Variants in UBE4B observed in about 807,000 individuals in gnomAD.
UBE4B encodes the protein ubiquitination factor E4B.
A neutral mutation model predicts 148.1 loss-of-function variants in UBE4B; 27 were observed. The ratio of observed to expected loss-of-function variants is 0.18; its 90% confidence interval spans 0.13 to 0.25. The LOEUF is 0.25. Ranked by LOEUF, UBE4B falls within the 10% of genes least tolerant of loss-of-function variation. The pLI, the probability that UBE4B is intolerant of heterozygous loss-of-function variation, is 1.00. For synonymous variants in UBE4B, 596 were observed against 619.3 expected, an observed-to-expected ratio of 0.96 and a Z score of 0.56; for missense variants, 1,170 against 1,662.4, an observed-to-expected ratio of 0.70 and a Z score of 5.15.
At chr1:10,065,138 TTGTC>T (rs766864350) in intron 1 of UBE4B, among the ~76,000 whole-genome samples, 11 of 152,180 alleles carry the variant, frequency 7.2e-5, no homozygotes, top group African/African-American at 2.7e-4. Context: ...TACATTCACT[TTGTC>T]TGTATATAAA....
chr1:10,075,762 T>C (rs1462447659), intron 2 of UBE4B, among the ~76,000 whole-genome samples: 1 of 152,190 alleles, frequency 6.6e-6, no homozygotes, highest in East Asian at 1.9e-4. Context: ...ACATCTATTC[T>C]CTGTTCAGGC....
At chr1:10,040,121 CTT>C (rs752593191) in intron 1 of UBE4B, among the ~76,000 whole-genome samples, 2 of 142,888 alleles carry the variant, frequency 1.4e-5, no homozygotes, top group African/African-American at 2.6e-5. Context: ...GCACATGTTT[CTT>C]TTTTTTTTTT....
Position 10,129,075 on chromosome 1 carries a change from CAT to C in UBE4B, c.1639-311_1639-310del, listed in dbSNP as rs542647723. On this transcript the variant is annotated intron_variant, in intron 11 of 27. Coordinates refer to ENST00000343090, the MANE Select transcript of UBE4B (RefSeq NM_001105562.3). ...AGTGGAAAAACTTTTTTGTAAAAAA[CAT>C]ATATAGATACAGTACACAAAAATAT... 19 of 242,502 alleles carry C rather than the reference CAT, an allele frequency of 7.8e-5. No homozygotes were observed. In the East Asian group the frequency reaches 7.9e-4, roughly 10 times the overall value. The allele number at this position is 242,502 out of a possible 1,614,324, so 15.0% of individuals were successfully genotyped here.
rs144040749 is a variant in UBE4B, at chr1:10,060,067, C to T, written c.25-11961C>T. On this transcript the variant is annotated intron_variant, in intron 1 of 27. Coordinates refer to ENST00000343090, the MANE Select transcript of UBE4B (RefSeq NM_001105562.3). The stretch of plus-strand genomic sequence containing the variant: ...GGGAGCCAGTCCTGTTCTATTCAGT[C>T]GTCAGGTCCCTGTGTGTGTGTGGAG... Among the ~76,000 whole-genome samples the T allele has an allele frequency of 5.9e-5, 9 of 151,880 alleles. No homozygotes were observed. In the East Asian group the frequency reaches 1.5e-3, roughly 26 times the overall value.
chr1:10,077,236 G>A (rs919224990), intron 2 of UBE4B, among the ~76,000 whole-genome samples: 1 of 152,280 alleles, frequency 6.6e-6, no homozygotes, highest in East Asian at 1.9e-4. Context: ...TCTGCCTTCC[G>A]ATAGTTGCTG....
chr1:10,165,952 AG>A (rs963923375), intron 23 of UBE4B, among the ~76,000 whole-genome samples: 1 of 152,180 alleles, frequency 6.6e-6, no homozygotes, highest in African/African-American at 2.4e-5. Context: ...AGGCTGTAGA[AG>A]GGCCTGTTGA....
intron 11 of UBE4B, chr1:10,128,720 A>C (rs1284662224): frequency 2.6e-5 from 4 of 152,302 alleles, no homozygotes; most frequent in African/African-American, 9.6e-5. Flanking sequence ...TCTTCGGCTC[A>C]TGTAGCAACT....
rs147075073 is a variant in UBE4B, at chr1:10,106,714, A to T, written c.1196+131A>T. On this transcript the variant is annotated intron_variant, in intron 7 of 27. Coordinates refer to ENST00000343090, the MANE Select transcript of UBE4B (RefSeq NM_001105562.3). The surrounding 1 kb of genome is among the most constrained non-coding windows in gnomAD (Gnocchi z 4.2). ...TTTTGGGTTATTAACCTGTGTGGCT[A>T]ACTAGTTTGGTAGGCACGTACTCTG... The T allele has an allele frequency of 7.9e-7, 1 of 1,261,098 alleles. No individual in the cohort carries two copies. Among genetic ancestry groups the T allele is most frequent in the Non-Finnish European group, 1.0e-6 (1 of 955,880 alleles). The allele number at this position is 1,261,098 out of a possible 1,614,324, so 78.1% of individuals were successfully genotyped here. A position where few individuals can be genotyped will look rare whatever the true frequency, so the allele number is the denominator to read the frequency against.
chr1:10,097,047 A>T (rs1644939923), intron 3 of UBE4B, among the ~76,000 whole-genome samples: 1 of 149,454 alleles, frequency 6.7e-6, no homozygotes, highest in African/African-American at 2.4e-5. Context: ...TCAAAAAAAA[A>T]AAAAAAATAA....
chr1:10,131,014 T>A (rs1030382969), intron 14 of UBE4B, among the ~76,000 whole-genome samples: 1 of 152,212 alleles, frequency 6.6e-6, no homozygotes, highest in African/African-American at 2.4e-5. Flanking sequence ...GCTGCCTTTG[T>A]ATGTAGCATC....
At chr1:10,150,427 A>C (rs909879186) in intron 20 of UBE4B, among the ~76,000 whole-genome samples, 1 of 152,226 alleles carries the variant, frequency 6.6e-6, no homozygotes, top group Admixed American at 6.5e-5. Context: ...TTAAAAAAAA[A>C]CTATCAAAAT....
intron 1 of UBE4B, among the ~76,000 whole-genome samples, chr1:10,057,570 A>G (rs1446098216): frequency 6.6e-6 from 1 of 151,068 alleles, no homozygotes; most frequent in East Asian, 2.0e-4. Context: ...ATGCCAGGCT[A>G]ATTTTTTGAT....
chr1:10,079,933 A>G (rs1279027282), intron 2 of UBE4B, among the ~76,000 whole-genome samples: 1 of 152,152 alleles, frequency 6.6e-6, no homozygotes, highest in Non-Finnish European at 1.5e-5. Context: ...ATTGAGAGCT[A>G]GGGATGCAGG....
intron 17 of UBE4B, among the ~76,000 whole-genome samples, chr1:10,139,287 A>T (rs1487807392): frequency 6.6e-6 from 1 of 152,080 alleles, no homozygotes; most frequent in Non-Finnish European, 1.5e-5. Context: ...GCTACTTGGG[A>T]GGCTATAGCA....
chr1:10,102,998 C>T lies in UBE4B; in HGVS notation c.486C>T (p.Val162=), dbSNP rs2101889088. Reference sequence around the variant, plus strand: ...CTGAAGAGCAGGCCTTACAGCTGGTCTGTAAGATCTTCCGTGTCTCTTGGA... The same window carrying T: ...CTGAAGAGCAGGCCTTACAGCTGGTTTGTAAGATCTTCCGTGTCTCTTGGA... ...EVSEEQALQL[V]CKIFRVSWKD... Residue 162 remains valine, a synonymous_variant, in exon 5 of 28, where the codon GTC becomes GTT. Transcript: ENST00000343090. 6.2e-7 allele frequency: 1 copy of T among 1,613,742 alleles called. No homozygotes were observed. Among genetic ancestry groups the T allele is most frequent in the East Asian group, 2.2e-5 (1 of 44,880 alleles).
chr1:10,136,482 TA>T (rs35569014), intron 16 of UBE4B, among the ~76,000 whole-genome samples: 6,248 of 123,828 alleles, frequency 0.05, 163 homozygotes, highest in African/African-American at 0.084. Context: ...AAGACCCTCT[TA>T]AAAAAAAAAA....
chr1:10,040,022 G>A (rs1045760309), intron 1 of UBE4B, among the ~76,000 whole-genome samples: 2 of 151,948 alleles, frequency 1.3e-5, no homozygotes, highest in Non-Finnish European at 2.9e-5. Flanking sequence ...GAGGAGAGAT[G>A]GAGAAATGAC....
At chr1:10,033,762 A>G in intron 1 of UBE4B, 68 bp downstream of exon 1, 1 of 1,456,096 alleles carries the variant, frequency 6.9e-7, no homozygotes, top group Non-Finnish European at 9.1e-7. Context: ...CAGGGATGGT[A>G]TTGCGCCAGT....
chr1:10,094,784 A>G (rs1644905349), intron 2 of UBE4B, among the ~76,000 whole-genome samples: 1 of 151,810 alleles, frequency 6.6e-6, no homozygotes, highest in Non-Finnish European at 1.5e-5. Context: ...CTATAGGTTT[A>G]TTAATATATC....
Sources: gnomAD v4.1 joint callset for allele counts (sites outside exome capture counted in the v4.1 genomes callset) on GRCh38, gnomAD v4.1.1 for gene constraint, Gnocchi (gnomAD v3.1) non-coding constraint, MANE v1.5 for transcripts, NCBI Gene and HGNC (gene_info 2026-07-23, HGNC 2026-07-21) for gene names.